Variants in ANXA5 observed in about 807,000 individuals in gnomAD.
ANXA5 encodes the protein annexin A5, also known as CBP-I.
A neutral mutation model predicts 48.1 loss-of-function variants in ANXA5; 40 were observed. That is an observed-to-expected ratio of 0.83 (90% confidence interval 0.65 to 1.08). The LOEUF is 1.08. ANXA5 is among the 50% of genes least tolerant of loss of function. The pLI, the probability that ANXA5 is intolerant of heterozygous loss-of-function variation, is 0.00. For synonymous variants in ANXA5, 113 were observed against 129.1 expected, an observed-to-expected ratio of 0.88 and a Z score of 0.85; for missense variants, 357 against 376.8, an observed-to-expected ratio of 0.95 and a Z score of 0.44.
At chr4:121,674,922 T>C (rs1438999016) in intron 8 of ANXA5, among the ~76,000 whole-genome samples, 2 of 152,220 alleles carry the variant, frequency 1.3e-5, no homozygotes, top group South Asian at 4.1e-4. Context: ...AGATGTGGTC[T>C]ATCTGCAAGA....
At chr4:121,672,074 G>A (rs1325912578) in intron 9 of ANXA5, among the ~76,000 whole-genome samples, 1 of 152,092 alleles carries the variant, frequency 6.6e-6, no homozygotes, top group Non-Finnish European at 1.5e-5. Context: ...AAGATCTCAG[G>A]TCCTGCCAAA....
rs753375687 is a variant in ANXA5, at chr4:121,677,947, T to A, written c.478A>T (p.Asn160Tyr). 1.9e-6 allele frequency: 3 copies of A among 1,613,686 alleles called. No individual in the cohort carries two copies. Among genetic ancestry groups the A allele is most frequent in the South Asian group, 2.2e-5 (2 of 91,058 alleles). Residue 160 changes from asparagine to tyrosine, a missense_variant, in exon 8 of 13, where the codon AAC becomes TAC. Asn to Tyr is a moderately radical substitution (Grantham distance 143, BLOSUM62 -2). Transcript: ENST00000296511. ...TCAATTCCAGCATCAGGGTCTCTGT[T>A]AGCCTATGAGAGGTAATATGTCACA... Reference protein sequence around the residue: ...QRMLVVLLQANRDPDAGIDEA... With the variant: ...QRMLVVLLQAYRDPDAGIDEA...
rs548422052 is a variant in ANXA5, at chr4:121,684,449, G to C, written c.189+228C>G. Among the ~76,000 whole-genome samples the C allele has an allele frequency of 1.9e-3, 284 of 152,260 alleles. 1 individual carries two copies. Among genetic ancestry groups the C allele is most frequent in the Middle Eastern group, 3.4e-3 (1 of 294 alleles). ...GACAGTTCTCACTACAGGATCTTTT[G>C]GCACCTCTACAGCATTAGGCAAGGA... On this transcript the variant is annotated intron_variant, in intron 4 of 12. Coordinates refer to ENST00000296511, the MANE Select transcript of ANXA5 (RefSeq NM_001154.4).
intron 2 of ANXA5, among the ~76,000 whole-genome samples, 192 bp downstream of exon 2, chr4:121,696,389 A>T (rs1157215734): frequency 6.6e-6 from 1 of 152,120 alleles, no homozygotes; most frequent in Admixed American, 6.5e-5. Context: ...GAGGGCGCTC[A>T]GCGGGAAGAA....
intron 4 of ANXA5, among the ~76,000 whole-genome samples, chr4:121,683,692 A>G (rs544848282): frequency 1.5e-4 from 23 of 152,294 alleles, no homozygotes; most frequent in Admixed American, 7.2e-4. Flanking sequence ...ATACGTCAAG[A>G]TATTTGTTTC....
chr4:121,695,880 C>T (rs1334228173), intron 2 of ANXA5, among the ~76,000 whole-genome samples: 2 of 148,258 alleles, frequency 1.3e-5, no homozygotes, highest in Non-Finnish European at 3.0e-5. Flanking sequence ...CCAGCCTGGG[C>T]GACAGAGTGA....
At chr4:121,686,749 T>C (rs907736314) in intron 2 of ANXA5, among the ~76,000 whole-genome samples, 3 of 152,144 alleles carry the variant, frequency 2.0e-5, no homozygotes, top group African/African-American at 4.8e-5. Flanking sequence ...TAATACCCTA[T>C]CCTGAGTACT....
At chr4:121,692,800 T>G (rs1725008445) in intron 2 of ANXA5, among the ~76,000 whole-genome samples, 1 of 152,240 alleles carries the variant, frequency 6.6e-6, no homozygotes, top group Non-Finnish European at 1.5e-5. Context: ...ACAAAAGACT[T>G]GGCAATGCAT....
intron 2 of ANXA5, among the ~76,000 whole-genome samples, chr4:121,688,558 A>C (rs1038916454): frequency 6.6e-6 from 1 of 152,134 alleles, no homozygotes; most frequent in African/African-American, 2.4e-5. Flanking sequence ...GGTCTTCCTT[A>C]CCACCAGAAT....
At chr4:121,685,041 T>TATATATATATACACACACAC (rs1283708658) in intron 3 of ANXA5, among the ~76,000 whole-genome samples, 2 of 146,986 alleles carry the variant, frequency 1.4e-5, no homozygotes, top group East Asian at 3.9e-4. Context: ...TATGTATATA[T>TATATATATATACACACACAC]ATATATATAT....
At chr4:121,676,220 C>T (rs1328280629) in intron 8 of ANXA5, among the ~76,000 whole-genome samples, 1 of 152,158 alleles carries the variant, frequency 6.6e-6, no homozygotes, top group Non-Finnish European at 1.5e-5. Context: ...TGCTCTAGCC[C>T]TCTTCCCGAA....
At chr4:121,669,309 C>A in intron 12 of ANXA5, 2 of 262,362 alleles carry the variant, frequency 7.6e-6, no homozygotes, top group East Asian at 7.9e-5. Flanking sequence ...ACAGAAAGAA[C>A]ACATTATTAT....
chr4:121,668,619 A>C, intron 12 of ANXA5, 92 bp from the exon 13 acceptor site: 1 of 1,061,790 alleles, frequency 9.4e-7, no homozygotes, highest in African/African-American at 1.6e-5. Flanking sequence ...TTTATTCATA[A>C]GACTCTTCTC....
chr4:121,668,808 C>T (rs1724564022), intron 12 of ANXA5, among the ~76,000 whole-genome samples: 1 of 152,008 alleles, frequency 6.6e-6, no homozygotes, highest in South Asian at 2.1e-4. Flanking sequence ...TATATATCAG[C>T]TAACACGGGC....
At chr4:121,673,084 C>A (rs75684114) in intron 8 of ANXA5, among the ~76,000 whole-genome samples, 8,894 of 152,250 alleles carry the variant, frequency 0.058, 276 homozygotes, top group African/African-American at 0.063. Flanking sequence ...TTCATATTTT[C>A]TCTTTACAAC....
At chr4:121,675,425 G>A (rs747937660) in intron 8 of ANXA5, among the ~76,000 whole-genome samples, 2 of 152,162 alleles carry the variant, frequency 1.3e-5, no homozygotes, top group South Asian at 2.1e-4. Flanking sequence ...CCCTTGCTAC[G>A]AGGTACAAGT....
At chr4:121,677,575 A>C (rs1226449951) in intron 8 of ANXA5, among the ~76,000 whole-genome samples, 2 of 152,140 alleles carry the variant, frequency 1.3e-5, no homozygotes, top group Admixed American at 6.6e-5. Flanking sequence ...CCACTGCATA[A>C]TTGGCAGTGG....
intron 2 of ANXA5, among the ~76,000 whole-genome samples, chr4:121,692,967 C>T (rs907547170): frequency 1.3e-5 from 2 of 152,216 alleles, no homozygotes; most frequent in Non-Finnish European, 2.9e-5. Context: ...GGCGCAGTGG[C>T]TCATGCCTGT....
chr4:121,695,455 T>TA (rs1018435904), intron 2 of ANXA5, among the ~76,000 whole-genome samples: 2 of 152,116 alleles, frequency 1.3e-5, no homozygotes, highest in Non-Finnish European at 2.9e-5. Flanking sequence ...AACACTTGTT[T>TA]AAAAAAAACT....
Sources: gnomAD v4.1 joint callset for allele counts (sites outside exome capture counted in the v4.1 genomes callset) on GRCh38, gnomAD v4.1.1 for gene constraint, MANE v1.5 for transcripts, NCBI Gene and HGNC (gene_info 2026-07-23, HGNC 2026-07-21) for gene names.